Variants in TPRG1 observed in about 807,000 individuals in gnomAD.
TPRG1 encodes the protein tumor protein p63-regulated gene 1 protein.
TPRG1 carries 29 observed loss-of-function variants against 29.3 expected under a neutral mutation model. The observed-to-expected ratio is 0.99, with a 90% CI of 0.74 to 1.35. TPRG1 has a LOEUF of 1.35. Ranked by LOEUF, TPRG1 falls within the 40% of genes most tolerant of loss-of-function variation. The pLI, the probability that TPRG1 is intolerant of heterozygous loss-of-function variation, is 0.00. For missense variants in TPRG1, 327 were observed against 335.0 expected (o/e 0.98, Z 0.19); for synonymous variants, 130 against 116.8 (o/e 1.11, Z -0.73).
chr3:189,126,646 T>C (rs1308992906), intron 1 of TPRG1, among the ~76,000 whole-genome samples: 1 of 152,222 alleles, frequency 6.6e-6, no homozygotes, highest in Non-Finnish European at 1.5e-5. Context: ...CCTAGCTCTA[T>C]GACCTTGTAT....
rs59401356 is a variant in TPRG1 at position 188,997,677 on chromosome 3, A to G, written c.-1015-3097A>G. 1.5e-3 allele frequency among the ~76,000 whole-genome samples: 236 copies of G among 152,328 alleles called. 7 individuals are homozygous for G. The East Asian group carries it at 0.043, about 28-fold the overall frequency. On this transcript the variant is annotated intron_variant, in intron 1 of 10. Transcript: ENST00000433971. Reference sequence around the variant, plus strand: ...GATAGCTACCCTTCAGCCTCAAAGAATGGCCACAACCTCTCAGGTTCCTGA... The same window carrying G: ...GATAGCTACCCTTCAGCCTCAAAGAGTGGCCACAACCTCTCAGGTTCCTGA...
upstream of TPRG1, among the ~76,000 whole-genome samples, chr3:189,098,518 G>C (rs1223541208): frequency 1.3e-5 from 2 of 152,144 alleles, no homozygotes; most frequent in Non-Finnish European, 2.9e-5. Flanking sequence ...AGAACGTCCA[G>C]GGGATGGGCT....
chr3:189,037,829 T>C (rs1714372277), intron 4 of TPRG1, among the ~76,000 whole-genome samples: 1 of 151,558 alleles, frequency 6.6e-6, no homozygotes, highest in Non-Finnish European at 1.5e-5. Context: ...AAGTATAATA[T>C]ACCAGCAAAA....
At chr3:189,121,377 T>C (rs534060094) in intron 1 of TPRG1, 1 of 152,254 alleles carries the variant, frequency 6.6e-6, no homozygotes, top group East Asian at 1.9e-4. Flanking sequence ...GGAATGTGAG[T>C]AAAAAACCTT....
intron 5 of TPRG1, among the ~76,000 whole-genome samples, chr3:189,164,185 C>A (rs956508586): frequency 1.3e-5 from 2 of 151,388 alleles, no homozygotes; most frequent in African/African-American, 2.4e-5. Flanking sequence ...TTTTTTGAGA[C>A]AGAGTCTCAC....
At chr3:189,044,320 C>T (rs887903911) in intron 4 of TPRG1, among the ~76,000 whole-genome samples, 5 of 151,994 alleles carry the variant, frequency 3.3e-5, no homozygotes, top group Non-Finnish European at 5.9e-5. Flanking sequence ...TTTGGGAAGC[C>T]GAGGTGGGTG....
chr3:189,260,790 C>T (rs1004959458), intron 4 of TPRG1, among the ~76,000 whole-genome samples: 1 of 152,180 alleles, frequency 6.6e-6, no homozygotes, highest in Non-Finnish European at 1.5e-5. Flanking sequence ...TACCATCTGC[C>T]TCCTGTTGAC....
chr3:189,033,528 C>T (rs849003), intron 4 of TPRG1, among the ~76,000 whole-genome samples: 128,760 of 151,886 alleles, frequency 0.85, 56,515 homozygotes, highest in Non-Finnish European at 0.95. Flanking sequence ...GTAATCTGCC[C>T]TCCTCAAAGT....
At chr3:189,098,522 A>C (rs1463012234), upstream of TPRG1, among the ~76,000 whole-genome samples, 1 of 152,154 alleles carries the variant, frequency 6.6e-6, no homozygotes, top group African/African-American at 2.4e-5. Context: ...CGTCCAGGGG[A>C]TGGGCTTCCA....
At chr3:189,146,844 C>T (rs1193829072) in intron 3 of TPRG1, among the ~76,000 whole-genome samples, 2 of 152,318 alleles carry the variant, frequency 1.3e-5, no homozygotes, top group South Asian at 2.1e-4. Flanking sequence ...CAAAGCTGGG[C>T]TGAATGTAAC....
rs35018569 is a variant in TPRG1, at chr3:189,204,947, T to TCACACA, written c.-9-2404_-9-2399dup. Among the ~76,000 whole-genome samples the TCACACA allele has an allele frequency of 7.7e-3, 1,128 of 147,144 alleles. 11 individuals are homozygous for TCACACA. The highest frequency in any genetic ancestry group is 0.024 in the East Asian group (116 of 4,914). ...CTGTCTCTATGTCTCTCTCTCTCTCTCACACACACACACACACACACACAC... is the reference window on the plus strand; with the variant it reads ...CTGTCTCTATGTCTCTCTCTCTCTCTCACACACACACACACACACACACACACACAC... On this transcript the variant is annotated intron_variant, in intron 1 of 5. Coordinates refer to ENST00000345063, the MANE Select transcript of TPRG1 (RefSeq NM_198485.4).
intron 3 of TPRG1, among the ~76,000 whole-genome samples, chr3:189,231,417 A>AC (rs2108906861): frequency 6.6e-6 from 1 of 151,972 alleles, no homozygotes; most frequent in African/African-American, 2.4e-5. Context: ...TACTTCACTC[A>AC]CCCCCTCATT....
At chr3:189,300,762 G>T (rs1720699892) in intron 4 of TPRG1, among the ~76,000 whole-genome samples, 1 of 152,248 alleles carries the variant, frequency 6.6e-6, no homozygotes, top group South Asian at 2.1e-4. Context: ...GGCAACTTCT[G>T]CCAGCAATGC....
At chr3:189,224,823 A>G (rs1237181394) in intron 3 of TPRG1, among the ~76,000 whole-genome samples, 1 of 152,092 alleles carries the variant, frequency 6.6e-6, no homozygotes, top group Non-Finnish European at 1.5e-5. Flanking sequence ...GCCACTGCCC[A>G]CTGCCTTACA....
At chr3:189,276,295 G>A (rs139158111) in intron 4 of TPRG1, among the ~76,000 whole-genome samples, 7 of 152,266 alleles carry the variant, frequency 4.6e-5, no homozygotes, top group Non-Finnish European at 1.0e-4. Context: ...TGGAAGTAGG[G>A]GGTTGTGGTT....
chr3:189,166,665 A>G (rs917791825), intron 5 of TPRG1, among the ~76,000 whole-genome samples: 1 of 152,170 alleles, frequency 6.6e-6, no homozygotes, highest in African/African-American at 2.4e-5. Context: ...TTTGCATTGT[A>G]ATTTATCACT....
At chr3:189,249,196 G>C (rs1163805919) in intron 4 of TPRG1, among the ~76,000 whole-genome samples, 1 of 151,592 alleles carries the variant, frequency 6.6e-6, no homozygotes, top group African/African-American at 2.4e-5. Context: ...ATTTGTCATA[G>C]ATTGAGATAG....
intron 4 of TPRG1, among the ~76,000 whole-genome samples, chr3:189,308,100 T>C (rs1211929087): frequency 2.0e-5 from 3 of 152,234 alleles, no homozygotes; most frequent in African/African-American, 7.2e-5. Context: ...GGTCATGGAA[T>C]GTCTCGATAT....
At chr3:189,237,932 T>C (rs1739798802) in intron 3 of TPRG1, among the ~76,000 whole-genome samples, 1 of 152,204 alleles carries the variant, frequency 6.6e-6, no homozygotes, top group Non-Finnish European at 1.5e-5. Flanking sequence ...AGTAGGCAGA[T>C]AGCAAAAGTG....
Sources: allele counts gnomAD v4.1 joint callset (sites outside exome capture counted in the v4.1 genomes callset), GRCh38; gene constraint gnomAD v4.1.1; transcripts MANE v1.5; gene names NCBI Gene and HGNC (gene_info 2026-07-23, HGNC 2026-07-21).